The following GLIS3 variants were observed in gnomAD, a reference collection of about 807,000 sequenced individuals.
The protein encoded by GLIS3 is zinc finger protein GLIS3.
GLIS3 carries 53 observed loss-of-function variants against 78.6 expected under a neutral mutation model. The ratio of observed to expected loss-of-function variants is 0.67; its 90% CI spans 0.54 to 0.85. The LOEUF (loss-of-function observed/expected upper bound fraction) is 0.85. Ranked by LOEUF, GLIS3 falls within the 40% of genes least tolerant of loss-of-function variation. The probability of loss-of-function intolerance (pLI) is 0.00; values close to 1 mark genes in which losing one functional copy is unlikely to be tolerated. For synonymous variants in GLIS3, 684 were observed against 509.9 expected (o/e 1.34, Z -4.60); for missense variants, 1,703 against 1,231.1 (o/e 1.38, Z -5.74).
chr9:4,256,257 T>G (rs1273172100), intron 2 of GLIS3, among the ~76,000 whole-genome samples: 1 of 151,824 alleles, frequency 6.6e-6, no homozygotes, highest in East Asian at 1.9e-4. Flanking sequence ...AAAAAAAGAG[T>G]CCTTTTAGAT....
chr9:4,488,667 A>G, the GLIS3 span, among the ~76,000 whole-genome samples: 2 of 151,784 alleles, frequency 1.3e-5, no homozygotes, highest in Non-Finnish European at 2.9e-5. Flanking sequence ...TTACAGGTGC[A>G]TGGCCCTAAA....
At chr9:4,391,418 A>G in the GLIS3 span, among the ~76,000 whole-genome samples, 1 of 152,208 alleles carries the variant, frequency 6.6e-6, no homozygotes, top group Non-Finnish European at 1.5e-5. Context: ...GATTAATAAC[A>G]GTAGACTTTT....
At chr9:4,358,397 T>C in the GLIS3 span, among the ~76,000 whole-genome samples, 1 of 152,216 alleles carries the variant, frequency 6.6e-6, no homozygotes, top group Non-Finnish European at 1.5e-5. Flanking sequence ...ATGTCCCAAG[T>C]ACCTTCACAA....
the GLIS3 span, among the ~76,000 whole-genome samples, chr9:4,478,400 C>G: frequency 2.0e-5 from 3 of 152,278 alleles, no homozygotes; most frequent in East Asian, 3.9e-4. Flanking sequence ...CACTTGAGGT[C>G]AGGAGTTTGA....
At chr9:4,294,438 G>C (rs956991721) in intron 1 of GLIS3, among the ~76,000 whole-genome samples, 1 of 152,150 alleles carries the variant, frequency 6.6e-6, no homozygotes, top group African/African-American at 2.4e-5. Flanking sequence ...GAACCCAGGA[G>C]GGGGAGGTTG....
At chr9:4,035,090 T>C (rs1376375039) in intron 4 of GLIS3, 1 of 152,164 alleles carries the variant, frequency 6.6e-6, no homozygotes, top group Non-Finnish European at 1.5e-5. Context: ...GCAGCAACAC[T>C]AGTCTAAAAG....
intron 2 of GLIS3, among the ~76,000 whole-genome samples, chr9:4,326,549 T>C (rs888168396): frequency 1.4e-5 from 2 of 142,916 alleles, no homozygotes; most frequent in Admixed American, 7.1e-5. Context: ...GAGGGAGGAA[T>C]GGGGGTTATT....
At position 3,990,453 on chromosome 9, in the gene GLIS3, G is replaced by C. The variant is rs10117569; in HGVS notation, c.1711-53264C>G. Reference sequence around the variant, plus strand: ...TTGGCTCATGATGGAAAGAAAACCAGTAGCATTGATCAGTGAATGAGGAAC... The same window carrying C: ...TTGGCTCATGATGGAAAGAAAACCACTAGCATTGATCAGTGAATGAGGAAC... On this transcript the variant is annotated intron_variant, in intron 4 of 10. Transcript: ENST00000381971. Among the ~76,000 whole-genome samples the C allele has an allele frequency of 2.9e-3, 443 of 152,304 alleles. 2 individuals are homozygous for C. The highest frequency in any genetic ancestry group is 0.01 in the African/African-American group (434 of 41,574).
At chr9:4,308,111 A>T (rs922402313) in intron 4 of GLIS3, among the ~76,000 whole-genome samples, 2 of 152,090 alleles carry the variant, frequency 1.3e-5, no homozygotes, top group Admixed American at 1.3e-4. Context: ...GGCCACGTGC[A>T]TCCCATCCTT....
intron 4 of GLIS3, among the ~76,000 whole-genome samples, chr9:4,082,812 T>G (rs889540252): frequency 1.3e-5 from 2 of 152,242 alleles, no homozygotes; most frequent in South Asian, 4.1e-4. Flanking sequence ...AAAGTAGTTC[T>G]AAAAATTGTT....
At chr9:4,179,045 C>T (rs1261941714) in intron 2 of GLIS3, among the ~76,000 whole-genome samples, 2 of 152,158 alleles carry the variant, frequency 1.3e-5, no homozygotes, top group Non-Finnish European at 2.9e-5. Flanking sequence ...ATTCTGCAAT[C>T]ACAAAAAGTC....
At chr9:4,407,081 G>T in the GLIS3 span, among the ~76,000 whole-genome samples, 1 of 152,068 alleles carries the variant, frequency 6.6e-6, no homozygotes, top group African/African-American at 2.4e-5. Context: ...GCATGGTAAT[G>T]GTATAAAAAT....
chr9:4,445,413 G>A, the GLIS3 span, among the ~76,000 whole-genome samples: 46 of 152,290 alleles, frequency 3.0e-4, no homozygotes, highest in African/African-American at 1.0e-3. Flanking sequence ...GATTGCTTGA[G>A]GCCAGGAGTT....
Position 4,195,879 on chromosome 9 carries a change from C to A in GLIS3, c.389-69938G>T, listed in dbSNP as rs1485561761. On this transcript the variant is annotated intron_variant, in intron 2 of 10. Coordinates refer to ENST00000381971, the MANE Select transcript of GLIS3 (RefSeq NM_001042413.2). ...GCTAATCTAGTGAGGACGTGGAGAA[C>A]TTTTATGTCTAGCTAGAGGATTGTA... is the stretch of plus-strand genomic sequence containing the variant. Among the ~76,000 whole-genome samples the A allele has an allele frequency of 3.3e-5, 5 of 152,344 alleles. No individual in the cohort carries two copies. The East Asian group carries it at 9.7e-4, about 29-fold the overall frequency.
intron 2 of GLIS3, among the ~76,000 whole-genome samples, chr9:4,177,180 A>C (rs1314163153): frequency 6.6e-6 from 1 of 151,236 alleles, no homozygotes; most frequent in Admixed American, 6.6e-5. Context: ...CAAAATCACC[A>C]TTGCTTTAAT....
intron 2 of GLIS3, among the ~76,000 whole-genome samples, chr9:4,325,296 T>C (rs377303860): frequency 1.4e-4 from 21 of 152,320 alleles, no homozygotes; most frequent in African/African-American, 4.8e-4. Context: ...GAGTGACAAG[T>C]TCCCCTTGAA....
In GLIS3 at chr9:4,299,832, A is replaced by AC. The variant is rs916097104; in HGVS notation, c.-511dup. 4 of 152,264 alleles carry AC rather than the reference A, an allele frequency of 2.6e-5. No individual in the cohort carries two copies. The highest frequency in any genetic ancestry group is 9.6e-5 in the African/African-American group (4 of 41,452). 9.4% of individuals were successfully genotyped at this position (152,264 alleles called of 1,614,324 possible). ...GGCCGGGGAATGCTTCTGGGGGCCG[A>AC]CCCCGGGATGCTGGCTAATTGCTGC... On this transcript the variant is annotated 5_prime_UTR_variant, in exon 1 of 11. Coordinates refer to ENST00000381971, the MANE Select transcript of GLIS3 (RefSeq NM_001042413.2).
chr9:4,205,037 G>T (rs913976053), intron 2 of GLIS3, among the ~76,000 whole-genome samples: 1 of 151,916 alleles, frequency 6.6e-6, no homozygotes, highest in Non-Finnish European at 1.5e-5. Flanking sequence ...TTAGCTGGGC[G>T]TGGTGGTTCA....
At chr9:4,363,154 G>T in the GLIS3 span, among the ~76,000 whole-genome samples, 4 of 152,170 alleles carry the variant, frequency 2.6e-5, no homozygotes, top group African/African-American at 9.7e-5. Flanking sequence ...TGGGTGCAGT[G>T]GCTCACACAT....
Sources: allele counts gnomAD v4.1 joint callset (sites outside exome capture counted in the v4.1 genomes callset), GRCh38; gene constraint gnomAD v4.1.1; transcripts MANE v1.5; gene names NCBI Gene and HGNC (gene_info 2026-07-23, HGNC 2026-07-21).